FRYL: variants seen among roughly 807,000 people sequenced by gnomAD.
FRYL encodes the protein FRY like transcription coactivator.
FRYL carries 150 observed loss-of-function variants against 351.2 expected under a neutral mutation model. That is an observed-to-expected ratio of 0.43 (90% CI 0.37 to 0.49). The LOEUF (loss-of-function observed/expected upper bound fraction) is 0.49. Among genes scored for constraint, FRYL ranks in the 20% least tolerant of loss-of-function variants. The pLI is 0.00. For synonymous variants in FRYL, 1,153 were observed against 1,257.1 expected (o/e 0.92, Z 1.75); for missense variants, 3,036 against 3,619.3 (o/e 0.84, Z 4.13).
intron 2 of FRYL, among the ~76,000 whole-genome samples, chr4:48,692,682 G>C (rs1379650639): frequency 6.6e-6 from 1 of 152,126 alleles, no homozygotes; most frequent in Non-Finnish European, 1.5e-5. Context: ...ACTGCACCCG[G>C]CCTAAGCCTT....
chr4:48,507,129 ATTAT>A (rs544312735), intron 59 of FRYL, among the ~76,000 whole-genome samples: 371 of 152,260 alleles, frequency 2.4e-3, no homozygotes, highest in Middle Eastern at 0.017. Flanking sequence ...ATTTCAGTTG[ATTAT>A]TTATTTAATG....
At position 48,654,355 on chromosome 4, in the gene FRYL, T is replaced by TTCAA. The variant is rs369416522; in HGVS notation, c.-80-19869_-80-19866dup. Reference sequence around the variant, plus strand: ...AAAAAACTGGAGGTATTTGGCTGACTTCAACATCAGTTTCCTCTAGGTTAT... The same window carrying TTCAA: ...AAAAAACTGGAGGTATTTGGCTGACTTCAATCAACATCAGTTTCCTCTAGGTTAT... On this transcript the variant is annotated intron_variant, in intron 3 of 63. Coordinates refer to ENST00000358350, the MANE Select transcript of FRYL (RefSeq NM_015030.2). Among the ~76,000 whole-genome samples the TTCAA allele has an allele frequency of 1.4e-3, 216 of 151,932 alleles. 2 individuals carry two copies. Among genetic ancestry groups the TTCAA allele is most frequent in the African/African-American group, 4.6e-3 (192 of 41,430 alleles).
intron 3 of FRYL, among the ~76,000 whole-genome samples, chr4:48,671,860 A>AAAC (rs1560832312): frequency 9.9e-5 from 12 of 121,618 alleles, no homozygotes; most frequent in East Asian, 2.3e-4. Context: ...CTCAAAAACA[A>AAAC]AAAAAAAAAA....
At chr4:48,775,708 CTT>C (rs769092461) in intron 1 of FRYL, among the ~76,000 whole-genome samples, 7 of 152,294 alleles carry the variant, frequency 4.6e-5, no homozygotes, top group Middle Eastern at 3.4e-3. Flanking sequence ...TCCTCTCTCT[CTT>C]GAGAAGAATA....
chr4:48,649,935 C>A (rs1405454769), intron 3 of FRYL, among the ~76,000 whole-genome samples: 7 of 152,042 alleles, frequency 4.6e-5, no homozygotes, highest in Non-Finnish European at 2.9e-5. Flanking sequence ...ATATACACTG[C>A]TTTTAAGTTA....
intron 1 of FRYL, among the ~76,000 whole-genome samples, chr4:48,745,504 C>CA (rs1397074187): frequency 6.6e-6 from 1 of 151,136 alleles, no homozygotes; most frequent in South Asian, 2.1e-4. Flanking sequence ...ATCGCAAGGA[C>CA]AAAAAACCAA....
At chr4:48,561,833 A>G (rs1263950249) in intron 32 of FRYL, among the ~76,000 whole-genome samples, 197 bp from the exon 33 acceptor site, 1 of 152,112 alleles carries the variant, frequency 6.6e-6, no homozygotes, top group Non-Finnish European at 1.5e-5. Context: ...TGGCCAACAT[A>G]GCAGGACCTC....
chr4:48,674,994 T>C (rs1449900724), intron 3 of FRYL, among the ~76,000 whole-genome samples: 1 of 152,230 alleles, frequency 6.6e-6, no homozygotes, highest in Non-Finnish European at 1.5e-5. Context: ...ATTGTCTTTT[T>C]GCCTAAAACG....
At chr4:48,778,846 C>A (rs1206101643) in intron 1 of FRYL, among the ~76,000 whole-genome samples, 1 of 151,980 alleles carries the variant, frequency 6.6e-6, no homozygotes, top group Non-Finnish European at 1.5e-5. Context: ...CCCAATCCGA[C>A]AGACCCTGGC....
rs1560633230 is a variant in FRYL at position 48,573,220 on chromosome 4, G to A, written c.2870C>T (p.Pro957Leu). The change falls in exon 26 of 64, where the codon CCC becomes CTC. Residue 957 changes from proline (P) to leucine (L), a missense_variant. Physicochemically the swap from Pro to Leu is moderately conservative, Grantham distance 98 (BLOSUM62 -3). This residue lies in a region of FRYL where 492 missense variants were observed against 551.5 expected (regional missense o/e 0.89). Transcript: ENST00000358350. The stretch of plus-strand genomic sequence containing the variant: ...TCTTTCGAGTGCTTCTTTAATTATG[G>A]GATGTAATTCCTCTATTAGTTCCCT... ...AFRELIEELH[P>L]IIKEALERRP... 2 of 1,611,406 alleles carry A rather than the reference G, an allele frequency of 1.2e-6. No individual in the cohort carries two copies. Among genetic ancestry groups the A allele is most frequent in the Non-Finnish European group, 1.7e-6 (2 of 1,177,754 alleles).
rs1472120978 is a variant in FRYL, at chr4:48,540,783, C to T, written c.5865G>A (p.Arg1955=). 1.2e-6 allele frequency: 2 copies of T among 1,613,884 alleles called. No individual in the cohort carries two copies. The highest frequency in any genetic ancestry group is 1.7e-6 in the Non-Finnish European group (2 of 1,179,900). ...CCATTATATCCAGTGTGTTACTCCG[C>T]CGCCGGTCACCTCGTCGGTCACCAA... ...SLIGDRRGDR[R]RSNTLDIMDG... is the part of the protein sequence containing the mutation. Residue 1955 remains arginine, a synonymous_variant, in exon 46 of 64, where the codon CGG becomes CGA. Transcript: ENST00000358350.
chr4:48,599,251 A>G (rs186221002), intron 13 of FRYL, among the ~76,000 whole-genome samples: 2 of 152,342 alleles, frequency 1.3e-5, no homozygotes, highest in African/African-American at 2.4e-5. Flanking sequence ...ATCTCTCTTA[A>G]TAATTCTCCA....
intron 2 of FRYL, among the ~76,000 whole-genome samples, chr4:48,707,351 T>C (rs1309941162): frequency 3.9e-5 from 6 of 152,132 alleles, no homozygotes; most frequent in African/African-American, 7.2e-5. Context: ...TTTTAAAAGG[T>C]CTTAAGGATA....
At chr4:48,764,521 ACT>A (rs1037018621) in intron 1 of FRYL, among the ~76,000 whole-genome samples, 5 of 150,736 alleles carry the variant, frequency 3.3e-5, no homozygotes, top group African/African-American at 7.3e-5. Flanking sequence ...ACAAAGCGAG[ACT>A]CTGTTTCAAA....
In FRYL at chr4:48,589,746, T is replaced by G; in HGVS notation, c.1639A>C (p.Thr547Pro). ...MSNKEPEDMITGERKPKIDLF... is the reference protein window; with the variant it reads ...MSNKEPEDMIPGERKPKIDLF... ...GAAGGCACATAATTTACTACATACG[T>G]AATCATGTCTTCAGGCTCCTTATTA... The change falls in exon 18 of 64, where the codon ACG (threonine) becomes CCG (proline). Residue 547 changes from threonine to proline, a missense_variant and splice_region_variant. By Grantham distance (38) the Thr-to-Pro change is conservative. Around this residue, in one of 7 missense-constraint regions of FRYL, gnomAD observed 78 missense variants for 106.6 expected, o/e 0.73. Transcript: ENST00000358350. 1.2e-6 allele frequency: 2 copies of G among 1,612,836 alleles called. No individual in the cohort carries two copies. The highest frequency in any genetic ancestry group is 1.7e-6 in the Non-Finnish European group (2 of 1,179,568).
intron 7 of FRYL, chr4:48,618,839 C>T (rs1750087010): frequency 6.5e-6 from 1 of 153,738 alleles, no homozygotes; most frequent in Non-Finnish European, 1.4e-5. Context: ...GACTGAAAAA[C>T]ATTTGCACAT....
At chr4:48,605,326 C>T (rs1746549367) in intron 11 of FRYL, among the ~76,000 whole-genome samples, 1 of 152,182 alleles carries the variant, frequency 6.6e-6, no homozygotes, top group Admixed American at 6.5e-5. Context: ...CTGAATACTA[C>T]AAACCAATTC....
At chr4:48,747,063 G>A (rs569206935) in intron 1 of FRYL, among the ~76,000 whole-genome samples, 35 of 152,256 alleles carry the variant, frequency 2.3e-4, no homozygotes, top group African/African-American at 8.2e-4. Flanking sequence ...TGGAAAAAGA[G>A]CAAAACCCTT....
chr4:48,673,999 T>A (rs1430006335), intron 3 of FRYL, among the ~76,000 whole-genome samples: 7 of 152,242 alleles, frequency 4.6e-5, no homozygotes, highest in Admixed American at 4.6e-4. Context: ...CTTCCATTCT[T>A]AATGGTGGTA....
Sources: gnomAD v4.1 joint callset for allele counts (sites outside exome capture counted in the v4.1 genomes callset) on GRCh38, gnomAD v4.1.1 for gene constraint, gnomAD v4.1.1 regional missense constraint, MANE v1.5 for transcripts, NCBI Gene and HGNC (gene_info 2026-07-23, HGNC 2026-07-21) for gene names.